ASH1L: variants seen among roughly 807,000 people sequenced by gnomAD.
ASH1L encodes the protein histone-lysine N-methyltransferase ASH1L.
In ASH1L, 23 loss-of-function variants were observed where a neutral mutation model predicts 269.0. That is an observed-to-expected ratio of 0.09 (90% CI 0.06 to 0.12). The LOEUF (loss-of-function observed/expected upper bound fraction) is 0.12, where lower values mean the gene tolerates loss of function less well. Among genes scored for constraint, ASH1L ranks in the 10% least tolerant of loss-of-function variants. The probability of loss-of-function intolerance (pLI) is 1.00; values close to 1 mark genes in which losing one functional copy is unlikely to be tolerated. For synonymous variants in ASH1L, 1,187 were observed against 1,253.5 expected (o/e 0.95, Z 1.12); for missense variants, 2,912 against 3,567.8 (o/e 0.82, Z 4.68).
intron 8 of ASH1L, 107 bp from the exon 9 acceptor site, chr1:155,378,655 G>A (rs1482345785): frequency 4.6e-6 from 4 of 860,498 alleles, no homozygotes; most frequent in Non-Finnish European, 7.4e-6. Flanking sequence ...CTGCTCATCT[G>A]GAAATATTTA....
intron 5 of ASH1L, among the ~76,000 whole-genome samples, chr1:155,429,386 A>G (rs1661431126): frequency 6.6e-6 from 1 of 151,992 alleles, no homozygotes; most frequent in Non-Finnish European, 1.5e-5. Context: ...TGATTCTCCC[A>G]CTTGGCTTCC....
Position 155,550,933 on chromosome 1 carries a change from C to T in ASH1L, c.-100+11220G>A, listed in dbSNP as rs151054363. On this transcript the variant is annotated intron_variant, in intron 1 of 27. Coordinates refer to ENST00000392403, the MANE Select transcript of ASH1L (RefSeq NM_018489.3). ...CGACCTCCTGGGCTCAAGAAATCTA[C>T]TGCTCAGCCTCCCAAGTAGCTGGGA... Among the ~76,000 whole-genome samples, 706 of 152,204 alleles carry T rather than the reference C, an allele frequency of 4.6e-3. 4 individuals carry two copies. The highest frequency in any genetic ancestry group is 0.027 in the Middle Eastern group (8 of 294).
At chr1:155,431,798 C>T (rs116165993) in intron 5 of ASH1L, among the ~76,000 whole-genome samples, 3,387 of 152,024 alleles carry the variant, frequency 0.022, 119 homozygotes, top group African/African-American at 0.078. Context: ...TTTGTAGAAA[C>T]GGTAGCTACA....
In ASH1L at chr1:155,354,499, C is replaced by G; in HGVS notation, c.7187G>C (p.Cys2396Ser). ...AGACTTGATATTCCCATCATCTCGG[C>G]AGATCCCATTCCAACGGGTATATAA... ...ASLYTRWNGICRDDGNIKSDV... is the reference protein window; with the variant it reads ...ASLYTRWNGISRDDGNIKSDV... The change falls in exon 16 of 28, where the codon TGC (cysteine) becomes TCC (serine). Residue 2396 changes from cysteine (C) to serine (S), a missense_variant. This residue lies in a region of ASH1L where 309 missense variants were observed against 435.1 expected (regional missense o/e 0.71). Transcript: ENST00000392403. The G allele has an allele frequency of 3.1e-6, 5 of 1,610,686 alleles. No homozygotes were observed. Among genetic ancestry groups the G allele is most frequent in the Non-Finnish European group, 4.2e-6 (5 of 1,179,188 alleles).
At chr1:155,543,718 G>T (rs552982381) in intron 1 of ASH1L, among the ~76,000 whole-genome samples, 9 of 151,934 alleles carry the variant, frequency 5.9e-5, no homozygotes, top group African/African-American at 1.9e-4. Flanking sequence ...GGTGACCTGA[G>T]GCCAGGAGTT....
chr1:155,343,249 G>A lies in ASH1L; in HGVS notation c.8293+65C>T, dbSNP rs1652963595. On this transcript the variant is annotated intron_variant, in intron 24 of 27. Transcript: ENST00000392403. The surrounding 1 kb of genome is among the most constrained non-coding windows in gnomAD (Gnocchi z 6.1). Reference sequence around the variant, plus strand: ...GCCTGCCTCGGCCTCCCACACCGCTGGGATTATCAGCGTGAGCCACTGCAC... The same window carrying A: ...GCCTGCCTCGGCCTCCCACACCGCTAGGATTATCAGCGTGAGCCACTGCAC... 13 of 1,539,938 alleles carry A rather than the reference G, an allele frequency of 8.4e-6. No individual in the cohort carries two copies. In the South Asian group the frequency reaches 1.6e-4, roughly 19 times the overall value.
At position 155,343,666 on chromosome 1, in the gene ASH1L, T is replaced by C. The variant is rs546428335; in HGVS notation, c.8058A>G (p.Leu2686=). 1 of 1,614,162 alleles carries C rather than the reference T, an allele frequency of 6.2e-7. No homozygotes were observed. The highest frequency in any genetic ancestry group is 1.3e-5 in the African/African-American group (1 of 75,036). Residue 2686 remains leucine, a synonymous_variant, in exon 23 of 28, where the codon TTA becomes TTG. Coordinates refer to ENST00000392403, the MANE Select transcript of ASH1L (RefSeq NM_018489.3). The surrounding 1 kb of genome is among the most constrained non-coding windows in gnomAD (Gnocchi z 6.1). The stretch of plus-strand genomic sequence containing the variant: ...CAAGTTTATCTCGGTTAATGTGAGA[T>C]AACAGTCGATAGGACTGACGGACCG... ...GHPVRQSYRL[L]SHINRDKLDI... is the part of the protein sequence containing the mutation.
intron 2 of ASH1L, among the ~76,000 whole-genome samples, chr1:155,508,730 A>C (rs1413881142): frequency 6.6e-6 from 1 of 152,230 alleles, no homozygotes; most frequent in Non-Finnish European, 1.5e-5. Flanking sequence ...AATACTGTGA[A>C]GAGTCTTCTA....
At chr1:155,444,971 AC>A (rs1359991491) in intron 4 of ASH1L, among the ~76,000 whole-genome samples, 1 of 151,880 alleles carries the variant, frequency 6.6e-6, no homozygotes, top group Non-Finnish European at 1.5e-5. Context: ...GAAATCTTTG[AC>A]CATCCCCCAA....
At chr1:155,441,893 G>T (rs891165577) in intron 4 of ASH1L, among the ~76,000 whole-genome samples, 1 of 151,712 alleles carries the variant, frequency 6.6e-6, no homozygotes, top group Non-Finnish European at 1.5e-5. Context: ...AGCCTCCTGA[G>T]TAGCTGGGAC....
chr1:155,358,533 A>G (rs893337011), intron 13 of ASH1L, among the ~76,000 whole-genome samples: 22 of 152,048 alleles, frequency 1.4e-4, no homozygotes, highest in Admixed American at 3.3e-4. Flanking sequence ...AAAAAAATAC[A>G]AAAAATTAGC....
At chr1:155,542,320 C>T (rs1005126962) in intron 1 of ASH1L, among the ~76,000 whole-genome samples, 3 of 152,042 alleles carry the variant, frequency 2.0e-5, no homozygotes, top group Admixed American at 6.6e-5. Flanking sequence ...GAGTCTGAGG[C>T]GGGCGGATCA....
intron 2 of ASH1L, among the ~76,000 whole-genome samples, chr1:155,487,311 C>T (rs1191460532): frequency 6.6e-6 from 1 of 151,936 alleles, no homozygotes; most frequent in African/African-American, 2.4e-5. Context: ...AAAATTATTA[C>T]TCATGGTAAG....
Position 155,349,488 on chromosome 1 carries a change from G to A in ASH1L, c.7422-29C>T, listed in dbSNP as rs758777801. 4 of 1,613,996 alleles carry A rather than the reference G, an allele frequency of 2.5e-6. No individual in the cohort carries two copies. The Middle Eastern group carries it at 4.9e-4, about 200-fold the overall frequency. On this transcript the variant is annotated intron_variant, in intron 18 of 27. Transcript: ENST00000392403. ...GAACACAAAGCCAGGGTGTCAATCT[G>A]GCACACTTAGCACTTTTTAAAAACT...
intron 5 of ASH1L, chr1:155,419,569 C>T (rs1224681058): frequency 1.3e-5 from 2 of 152,130 alleles, no homozygotes; most frequent in East Asian, 1.9e-4. Flanking sequence ...AACAGATGCA[C>T]ATCTACCTCT....
chr1:155,440,038 G>A (rs1027680723), intron 4 of ASH1L, among the ~76,000 whole-genome samples: 2 of 151,826 alleles, frequency 1.3e-5, no homozygotes, highest in African/African-American at 4.8e-5. Context: ...GGCCAGGAAC[G>A]GTGGCTCACA....
At chr1:155,553,558 G>C (rs1208061515) in intron 1 of ASH1L, among the ~76,000 whole-genome samples, 1 of 152,110 alleles carries the variant, frequency 6.6e-6, no homozygotes, top group Non-Finnish European at 1.5e-5. Flanking sequence ...GTTTGCAGAT[G>C]ATCTCCCTCT....
chr1:155,479,348 C>T lies in ASH1L; in HGVS notation c.3522G>A (p.Leu1174=), dbSNP rs769935449. 1 of 1,614,078 alleles carries T rather than the reference C, an allele frequency of 6.2e-7. No homozygotes were observed. The highest frequency in any genetic ancestry group is 1.7e-5 in the Admixed American group (1 of 60,004). Residue 1174 remains leucine (L), a synonymous_variant, in exon 3 of 28, where the codon TTG becomes TTA. Transcript: ENST00000392403. ...PTLLPNSPSH[L]SELTSLKEAT... is the part of the protein sequence containing the mutation. The stretch of plus-strand genomic sequence containing the variant: ...CTTCTTTTAGAGATGTGAGTTCACT[C>T]AAGTGCGAAGGAGAATTTGGCAACA...
chr1:155,342,562 C>T (rs73008912), intron 24 of ASH1L, among the ~76,000 whole-genome samples: 274 of 152,268 alleles, frequency 1.8e-3, no homozygotes, highest in African/African-American at 6.4e-3. Context: ...GACTATTTTG[C>T]TATGATTCTG....
Sources: gnomAD v4.1 joint callset for allele counts (sites outside exome capture counted in the v4.1 genomes callset) on GRCh38, gnomAD v4.1.1 for gene constraint, gnomAD v4.1.1 regional missense constraint, Gnocchi (gnomAD v3.1) non-coding constraint, MANE v1.5 for transcripts, NCBI Gene and HGNC (gene_info 2026-07-23, HGNC 2026-07-21) for gene names.